Variants in PHF24 observed in about 807,000 individuals in gnomAD.
PHF24 encodes the protein Galpha inhibitory interacting protein.
In PHF24, 25 loss-of-function variants were observed where a neutral mutation model predicts 42.6. The observed-to-expected ratio is 0.59, with a 90% CI of 0.43 to 0.82. PHF24 has a LOEUF of 0.82. Among genes scored for constraint, PHF24 ranks in the 40% least tolerant of loss-of-function variants. PHF24 has a pLI of 0.00. For synonymous variants in PHF24, 185 were observed against 204.8 expected (o/e 0.90, Z 0.83); for missense variants, 470 against 538.1 (o/e 0.87, Z 1.25).
chr9:34,914,818 C>T, the PHF24 span, among the ~76,000 whole-genome samples: 6 of 151,984 alleles, frequency 3.9e-5, no homozygotes, highest in East Asian at 9.7e-4. Context: ...CAAGGTCTTG[C>T]TCTGTCACCT....
the PHF24 span, among the ~76,000 whole-genome samples, chr9:34,686,385 C>T: frequency 1.3e-5 from 2 of 152,146 alleles, no homozygotes; most frequent in Non-Finnish European, 2.9e-5. Flanking sequence ...ACAGAGATAG[C>T]CCCAGCTGTC....
At chr9:34,728,225 A>G in the PHF24 span, 7 of 684,564 alleles carry the variant, frequency 1.0e-5, no homozygotes, top group Non-Finnish European at 1.7e-5. Context: ...GTCTGAGTAC[A>G]GCATCGCTGT....
In PHF24 at chr9:34,972,913, G is replaced by GAA. The variant is rs141298768; in HGVS notation, c.564+400_564+401dup. Among the ~76,000 whole-genome samples, 664 of 78,312 alleles carry GAA rather than the reference G, an allele frequency of 8.5e-3. 7 individuals carry two copies. Among genetic ancestry groups the GAA allele is most frequent in the Middle Eastern group, 0.015 (2 of 130 alleles). The allele number at this position is 78,312 out of a possible 152,430, so 51.4% of individuals were successfully genotyped here. On this transcript the variant is annotated intron_variant, in intron 3 of 7. Coordinates refer to ENST00000242315, the Ensembl canonical transcript of PHF24. ...TGGCGACAGAGCGAGACTCTGTCTC[G>GAA]AAAAAAAAAAAAAAAAAAAGATTTT... is the stretch of plus-strand genomic sequence containing the variant.
At chr9:34,685,433 C>T in the PHF24 span, among the ~76,000 whole-genome samples, 1 of 152,170 alleles carries the variant, frequency 6.6e-6, no homozygotes, top group African/African-American at 2.4e-5. Flanking sequence ...AAGCTGGAAG[C>T]CCTCTAGGGT....
the PHF24 span, among the ~76,000 whole-genome samples, chr9:34,764,122 G>T: frequency 6.6e-6 from 1 of 151,990 alleles, no homozygotes; most frequent in Non-Finnish European, 1.5e-5. Flanking sequence ...GAGGATTTTT[G>T]CATCAATGTT....
the PHF24 span, among the ~76,000 whole-genome samples, chr9:34,771,523 A>G: frequency 8.5e-5 from 13 of 152,248 alleles, no homozygotes; most frequent in Non-Finnish European, 1.9e-4. Flanking sequence ...AAGATAGTAC[A>G]GAGAGGACAT....
the PHF24 span, among the ~76,000 whole-genome samples, chr9:34,793,221 G>A: frequency 6.6e-6 from 1 of 151,838 alleles, no homozygotes; most frequent in Non-Finnish European, 1.5e-5. Flanking sequence ...AGCAGGAAGG[G>A]GAAGCTTGCC....
chr9:34,776,990 C>T, the PHF24 span, among the ~76,000 whole-genome samples: 1 of 152,182 alleles, frequency 6.6e-6, no homozygotes, highest in Non-Finnish European at 1.5e-5. Context: ...TAAACAGCAT[C>T]AGTGGTATCT....
chr9:34,820,232 A>T, the PHF24 span, among the ~76,000 whole-genome samples: 137,273 of 151,404 alleles, frequency 0.91, 63,028 homozygotes, highest in Non-Finnish European at 0.99. Flanking sequence ...TTCTTTTTTT[A>T]AAAAAACTCT....
the PHF24 span, among the ~76,000 whole-genome samples, chr9:34,770,994 T>C: frequency 6.6e-6 from 1 of 152,174 alleles, no homozygotes. Flanking sequence ...ATGACTGTAA[T>C]CCCAGCTACT....
the PHF24 span, among the ~76,000 whole-genome samples, chr9:34,768,866 A>C: frequency 9.8e-4 from 149 of 152,128 alleles, 1 homozygote; most frequent in Non-Finnish European, 1.6e-3. Context: ...CAAGGTAATC[A>C]ACTAAAATTT....
At chr9:34,793,602 T>C in the PHF24 span, among the ~76,000 whole-genome samples, 1 of 152,000 alleles carries the variant, frequency 6.6e-6, no homozygotes, top group Non-Finnish European at 1.5e-5. Context: ...TTCCCTTTAA[T>C]CTCCTCTGAC....
the PHF24 span, chr9:34,709,770 C>T: frequency 1.2e-6 from 2 of 1,614,176 alleles, no homozygotes; most frequent in Admixed American, 1.7e-5. Flanking sequence ...CCTTTGTGTC[C>T]ACTCACAGGA....
At chr9:34,831,707 C>A in the PHF24 span, among the ~76,000 whole-genome samples, 1 of 152,306 alleles carries the variant, frequency 6.6e-6, no homozygotes, top group African/African-American at 2.4e-5. Context: ...CGTGACCCTG[C>A]TCCCTACCAA....
the PHF24 span, among the ~76,000 whole-genome samples, chr9:34,928,216 C>CAAAA: frequency 4.6e-5 from 5 of 109,252 alleles, no homozygotes; most frequent in East Asian, 6.3e-4. Flanking sequence ...GACTCTGTCT[C>CAAAA]AAAAAAAAAA....
the PHF24 span, among the ~76,000 whole-genome samples, chr9:34,951,260 T>A: frequency 6.6e-6 from 1 of 152,148 alleles, no homozygotes; most frequent in Admixed American, 6.5e-5. Context: ...GTAGGCAGAA[T>A]AATGGTCCCT....
the PHF24 span, among the ~76,000 whole-genome samples, chr9:34,839,620 A>G: frequency 6.6e-6 from 1 of 152,206 alleles, no homozygotes; most frequent in African/African-American, 2.4e-5. Flanking sequence ...ATCTTTGAAC[A>G]TTCATCCAGC....
the PHF24 span, among the ~76,000 whole-genome samples, chr9:34,809,937 G>GCGCGGGGA: frequency 6.6e-6 from 1 of 151,244 alleles, no homozygotes; most frequent in Non-Finnish European, 1.5e-5. This position sits in a 1 kb window ranked among gnomAD's most constrained non-coding sequence, Gnocchi z 4.1. Context: ...GGGCGCGGGG[G>GCGCGGGGA]CGCGGGGCGG....
chr9:34,716,074 C>T, the PHF24 span, among the ~76,000 whole-genome samples: 2 of 152,152 alleles, frequency 1.3e-5, no homozygotes, highest in Non-Finnish European at 2.9e-5. Context: ...GTCAAAGGGC[C>T]TGGGTGCGTT....
Sources: gnomAD v4.1 joint callset for allele counts (sites outside exome capture counted in the v4.1 genomes callset) on GRCh38, gnomAD v4.1.1 for gene constraint, Gnocchi (gnomAD v3.1) non-coding constraint, MANE v1.5 for transcripts, NCBI Gene and HGNC (gene_info 2026-07-23, HGNC 2026-07-21) for gene names.